The following ARHGAP32 variants were observed in gnomAD, a reference collection of about 807,000 sequenced individuals.
The protein encoded by ARHGAP32 is rho GTPase-activating protein 32.
Under a neutral mutation model 186.5 loss-of-function variants are expected in ARHGAP32, and 51 were observed. The ratio of observed to expected loss-of-function variants is 0.27; its 90% confidence interval spans 0.22 to 0.35. The LOEUF (loss-of-function observed/expected upper bound fraction) is 0.35. Ranked by LOEUF, ARHGAP32 falls within the 10% of genes least tolerant of loss-of-function variation. ARHGAP32 has a pLI of 1.00. For synonymous variants in ARHGAP32, 950 were observed against 964.3 expected, an observed-to-expected ratio of 0.99 and a Z score of 0.27; for missense variants, 2,186 against 2,623.5, an observed-to-expected ratio of 0.83 and a Z score of 3.64.
chr11:129,159,729 A>G (rs568533477), intron 2 of ARHGAP32, among the ~76,000 whole-genome samples: 38 of 152,256 alleles, frequency 2.5e-4, no homozygotes, highest in Middle Eastern at 6.8e-3. Context: ...CATGAGGCCA[A>G]CATCATCCTG....
intron 1 of ARHGAP32, among the ~76,000 whole-genome samples, chr11:129,246,757 T>C (rs1945104120): frequency 6.6e-6 from 1 of 152,222 alleles, no homozygotes; most frequent in South Asian, 2.1e-4. Context: ...CTTCTATCTC[T>C]GTAGGCATTT....
intron 1 of ARHGAP32, among the ~76,000 whole-genome samples, chr11:129,176,497 C>T (rs559098814): frequency 7.6e-6 from 1 of 132,090 alleles, no homozygotes; most frequent in East Asian, 2.1e-4. Flanking sequence ...TTTTCAGCAC[C>T]ACACCACACC....
intron 1 of ARHGAP32, among the ~76,000 whole-genome samples, chr11:129,206,439 T>C (rs1464516392): frequency 6.6e-6 from 1 of 152,168 alleles, no homozygotes; most frequent in African/African-American, 2.4e-5. Context: ...CTCAAACTCC[T>C]GGTCTCAAGG....
chr11:129,038,416 C>A (rs1441089747), intron 11 of ARHGAP32, among the ~76,000 whole-genome samples: 1 of 151,892 alleles, frequency 6.6e-6, no homozygotes, highest in African/African-American at 2.4e-5. Context: ...TAGCCAAAGC[C>A]TTCTTAAATA....
Position 128,981,549 on chromosome 11 carries a change from T to G in ARHGAP32, c.1647A>C (p.Ile549=), listed in dbSNP as rs1945707523. 1 of 1,613,190 alleles carries G rather than the reference T, an allele frequency of 6.2e-7. No homozygotes were observed. Among genetic ancestry groups the G allele is most frequent in the Non-Finnish European group, 8.5e-7 (1 of 1,179,438 alleles). Residue 549 remains isoleucine (I), a synonymous_variant, in exon 17 of 23, where the codon ATA becomes ATC. Coordinates refer to ENST00000682385, the MANE Select transcript of ARHGAP32 (RefSeq NM_001378024.1). The part of the protein sequence containing the change: ...WAPNLLRSKQ[I]ESACFSGTAA... ...CTGTTCCACTGAAGCAGGCAGATTCTATCTGTTTTGATCTGTGAGGTAAAC... is the reference window on the plus strand; with the variant it reads ...CTGTTCCACTGAAGCAGGCAGATTCGATCTGTTTTGATCTGTGAGGTAAAC...
chr11:129,068,461 T>G (rs900194461), intron 6 of ARHGAP32, among the ~76,000 whole-genome samples: 1 of 152,082 alleles, frequency 6.6e-6, no homozygotes, highest in Non-Finnish European at 1.5e-5. Flanking sequence ...CAAGTTATGA[T>G]GTACAAGCAT....
intron 11 of ARHGAP32, among the ~76,000 whole-genome samples, chr11:129,022,306 C>T (rs371435783): frequency 6.6e-6 from 1 of 152,066 alleles, no homozygotes; most frequent in Non-Finnish European, 1.5e-5. Flanking sequence ...GTCCTCTGCA[C>T]TTTATTAAGC....
intron 6 of ARHGAP32, among the ~76,000 whole-genome samples, chr11:129,091,479 A>C (rs1034694329): frequency 6.6e-6 from 1 of 152,156 alleles, no homozygotes; most frequent in African/African-American, 2.4e-5. Context: ...AGAAAGAAAA[A>C]AGATCACAGC....
chr11:129,147,166 C>G (rs1943184129), intron 2 of ARHGAP32, among the ~76,000 whole-genome samples: 2 of 151,948 alleles, frequency 1.3e-5, no homozygotes, highest in South Asian at 4.2e-4. Flanking sequence ...CACCTGCCCT[C>G]AAGGAGCTTA....
intron 1 of ARHGAP32, among the ~76,000 whole-genome samples, chr11:129,241,734 C>T (rs1222952481): frequency 6.6e-6 from 1 of 152,148 alleles, no homozygotes; most frequent in Admixed American, 6.5e-5. Flanking sequence ...CACAGAAGCC[C>T]TTCGAAGTCA....
Position 128,973,018 on chromosome 11 carries a change from C to A in ARHGAP32, c.3488G>T (p.Gly1163Val). ...GEQHHQVDLTGNQPHQAYLSG... is the reference protein window; with the variant it reads ...GEQHHQVDLTVNQPHQAYLSG... The stretch of plus-strand genomic sequence containing the variant: ...TAAATATGCTTGATGTGGCTGATTC[C>A]CTGTTAAGTCTACTTGGTGATGTTG... The change falls in exon 22 of 23, where the codon GGG becomes GTG. Residue 1163 changes from glycine to valine, a missense_variant. Around this residue, in one of 5 missense-constraint regions of ARHGAP32, gnomAD observed 1,502 missense variants for 1,570.0 expected, o/e 0.96. Coordinates refer to ENST00000682385, the MANE Select transcript of ARHGAP32 (RefSeq NM_001378024.1). The A allele has an allele frequency of 6.2e-7, 1 of 1,614,030 alleles. No individual in the cohort carries two copies. Among genetic ancestry groups the A allele is most frequent in the Non-Finnish European group, 8.5e-7 (1 of 1,180,018 alleles).
In ARHGAP32 at chr11:129,024,183, C is replaced by T. The variant is rs1938730318; in HGVS notation, c.1045+16745G>A. 3.0e-6 allele frequency: 3 copies of T among 985,426 alleles called. No individual in the cohort carries two copies. In the South Asian group the frequency reaches 1.4e-4, roughly 46 times the overall value. 61.0% of individuals were successfully genotyped at this position (985,426 alleles called of 1,614,324 possible). A position where few individuals can be genotyped will look rare whatever the true frequency, so the allele number is the denominator to read the frequency against. On this transcript the variant is annotated intron_variant, in intron 11 of 22. Transcript: ENST00000682385. ...GGAGCTTAATCCTCCTCTCTCAGCACATACTGCTTTGCAACACCACAGAAA... is the reference window on the plus strand; with the variant it reads ...GGAGCTTAATCCTCCTCTCTCAGCATATACTGCTTTGCAACACCACAGAAA...
At chr11:128,978,946 G>C (rs760331982) in intron 18 of ARHGAP32, 31 bp from the exon 19 acceptor site, 1 of 1,581,654 alleles carries the variant, frequency 6.3e-7, no homozygotes, top group Non-Finnish European at 8.6e-7. Flanking sequence ...TCAACATTAA[G>C]ATAGCCATGG....
At chr11:129,144,809 G>A (rs893335442) in intron 2 of ARHGAP32, among the ~76,000 whole-genome samples, 2 of 152,116 alleles carry the variant, frequency 1.3e-5, no homozygotes, top group Non-Finnish European at 2.9e-5. Flanking sequence ...CTGCAGCAAG[G>A]GTGTTGCCTT....
upstream of ARHGAP32, among the ~76,000 whole-genome samples, chr11:129,196,060 T>C (rs1944386818): frequency 6.6e-6 from 1 of 152,042 alleles, no homozygotes; most frequent in Non-Finnish European, 1.5e-5. Context: ...ATCTTCTACC[T>C]CCAAGAGGTA....
At chr11:129,174,360 C>T (rs1018792235) in intron 1 of ARHGAP32, among the ~76,000 whole-genome samples, 2 of 152,114 alleles carry the variant, frequency 1.3e-5, no homozygotes, top group African/African-American at 2.4e-5. Flanking sequence ...CAGCAAGGCT[C>T]GGGGAGGGGC....
chr11:129,269,442 C>G (rs1945447394), intron 1 of ARHGAP32, among the ~76,000 whole-genome samples: 1 of 152,116 alleles, frequency 6.6e-6, no homozygotes, highest in African/African-American at 2.4e-5. Context: ...AAAAGAAGTA[C>G]ATGGCCAGGC....
rs34762356 is a variant in ARHGAP32 at position 129,029,801 on chromosome 11, C to CAAAAAAAAAAA, written c.1045+11116_1045+11126dup. Among the ~76,000 whole-genome samples the CAAAAAAAAAAA allele has an allele frequency of 2.3e-4, 11 of 46,946 alleles. 1 individual carries two copies. Among genetic ancestry groups the CAAAAAAAAAAA allele is most frequent in the African/African-American group, 1.2e-3 (11 of 8,898 alleles). The allele number at this position is 46,946 out of a possible 152,430, so 30.8% of individuals were successfully genotyped here. On this transcript the variant is annotated intron_variant, in intron 11 of 22. Transcript: ENST00000682385. Reference sequence around the variant, plus strand: ...TGGGGGACAGAGGGAGACTCCGTCTCAAAAAAAAAAAAAAAAAAAAAAAAA... The same window carrying CAAAAAAAAAAA: ...TGGGGGACAGAGGGAGACTCCGTCTCAAAAAAAAAAAAAAAAAAAAAAAAAAAAAAAAAAAA...
At chr11:129,182,942 C>T (rs1432450165) in intron 1 of ARHGAP32, among the ~76,000 whole-genome samples, 1 of 152,050 alleles carries the variant, frequency 6.6e-6, no homozygotes, top group East Asian at 1.9e-4. Flanking sequence ...GTCACTGCAC[C>T]CGGCCTTAAA....
Sources: allele counts gnomAD v4.1 joint callset (sites outside exome capture counted in the v4.1 genomes callset), GRCh38; gene constraint gnomAD v4.1.1; regional missense constraint gnomAD v4.1.1; transcripts MANE v1.5; gene names NCBI Gene and HGNC (gene_info 2026-07-23, HGNC 2026-07-21).